Variants in SUCLG2 observed in about 807,000 individuals in gnomAD.
SUCLG2 encodes the protein succinate--CoA ligase [GDP-forming] subunit beta, mitochondrial.
A neutral mutation model predicts 47.9 loss-of-function variants in SUCLG2; 42 were observed. The ratio of observed to expected loss-of-function variants is 0.88; its 90% CI spans 0.69 to 1.14. SUCLG2 has a LOEUF of 1.14. Ranked by LOEUF, SUCLG2 falls within the 50% of genes most tolerant of loss-of-function variation. The pLI is 0.00. For missense variants in SUCLG2, 571 were observed against 525.9 expected, an observed-to-expected ratio of 1.09 and a Z score of -0.84; for synonymous variants, 195 against 197.3, an observed-to-expected ratio of 0.99 and a Z score of 0.10.
intron 1 of SUCLG2, among the ~76,000 whole-genome samples, chr3:67,640,546 C>T (rs186162896): frequency 2.4e-4 from 36 of 147,308 alleles, no homozygotes; most frequent in African/African-American, 8.5e-4. Context: ...TAAATCTACA[C>T]ATTTATATAG....
intron 1 of SUCLG2, among the ~76,000 whole-genome samples, chr3:67,612,942 A>G (rs1356737524): frequency 6.6e-6 from 1 of 152,224 alleles, no homozygotes; most frequent in Non-Finnish European, 1.5e-5. Flanking sequence ...CCAGTTATTT[A>G]TAAAGGATAT....
intron 2 of SUCLG2, among the ~76,000 whole-genome samples, chr3:67,554,589 T>C (rs1012528482): frequency 7.9e-5 from 12 of 152,178 alleles, no homozygotes; most frequent in Admixed American, 7.2e-4. Flanking sequence ...GCAATATTAG[T>C]TATAATTCGG....
chr3:67,584,076 C>T (rs901894791), intron 2 of SUCLG2, among the ~76,000 whole-genome samples: 1 of 152,218 alleles, frequency 6.6e-6, no homozygotes, highest in Non-Finnish European at 1.5e-5. Context: ...AATAAAAATA[C>T]ATTCCACATA....
At chr3:67,637,457 A>G (rs897369153) in intron 1 of SUCLG2, among the ~76,000 whole-genome samples, 1 of 152,188 alleles carries the variant, frequency 6.6e-6, no homozygotes, top group Non-Finnish European at 1.5e-5. Context: ...GGAAAATTGT[A>G]CTTGTGAGTC....
Position 67,400,867 on chromosome 3 carries a change from A to C in SUCLG2, c.1063-16T>G. On this transcript the variant is annotated splice_polypyrimidine_tract_variant and intron_variant, in intron 9 of 10. Coordinates refer to ENST00000307227, the MANE Select transcript of SUCLG2 (RefSeq NM_003848.4). ...TGGCTTCAACCTGAAATCAAAAATA[A>C]AAAGTTACCAATCAAAATGCTGATC... 6.2e-7 allele frequency: 1 copy of C among 1,612,444 alleles called. No homozygotes were observed. The highest frequency in any genetic ancestry group is 8.5e-7 in the Non-Finnish European group (1 of 1,179,696).
At chr3:67,402,585 T>A (rs1455693912) in intron 9 of SUCLG2, among the ~76,000 whole-genome samples, 1 of 152,282 alleles carries the variant, frequency 6.6e-6, no homozygotes, top group East Asian at 1.9e-4. Context: ...AGTTTCCAAA[T>A]AACTGTAGGA....
intron 1 of SUCLG2, among the ~76,000 whole-genome samples, chr3:67,638,931 G>T (rs1397543412): frequency 6.6e-6 from 1 of 152,138 alleles, no homozygotes; most frequent in Admixed American, 6.5e-5. Context: ...TAATGGGAAG[G>T]TTATAGGAAG....
chr3:67,442,281 A>C (rs894427324), intron 9 of SUCLG2, among the ~76,000 whole-genome samples: 2 of 152,138 alleles, frequency 1.3e-5, no homozygotes, highest in Non-Finnish European at 2.9e-5. Flanking sequence ...AAGTGCTGGG[A>C]TTACAGGCGT....
At chr3:67,613,075 G>A (rs544628942) in intron 1 of SUCLG2, among the ~76,000 whole-genome samples, 1 of 152,250 alleles carries the variant, frequency 6.6e-6, no homozygotes, top group Non-Finnish European at 1.5e-5. Flanking sequence ...TGGCAATCTG[G>A]ACACTCTCCA....
At chr3:67,568,613 C>A (rs1333551132) in intron 2 of SUCLG2, among the ~76,000 whole-genome samples, 5 of 152,156 alleles carry the variant, frequency 3.3e-5, no homozygotes, top group Non-Finnish European at 7.3e-5. Flanking sequence ...GTGAGCCGGG[C>A]GCGGTGGCTC....
At chr3:67,592,654 C>T (rs1708190596) in intron 2 of SUCLG2, among the ~76,000 whole-genome samples, 2 of 140,872 alleles carry the variant, frequency 1.4e-5, no homozygotes, top group African/African-American at 2.7e-5. Context: ...AAGACATCAA[C>T]TCAACAAGTG....
chr3:67,527,988 A>G (rs1706299995), intron 4 of SUCLG2, 144 bp downstream of exon 4: 1 of 661,596 alleles, frequency 1.5e-6, no homozygotes, highest in African/African-American at 1.8e-5. Context: ...ACTACTTACT[A>G]AACAGATTAG....
chr3:67,430,590 ATAAC>A (rs1703449942), intron 9 of SUCLG2, among the ~76,000 whole-genome samples: 1 of 152,214 alleles, frequency 6.6e-6, no homozygotes, highest in African/African-American at 2.4e-5. Flanking sequence ...AAGGCAAGAA[ATAAC>A]TAAGATCAGA....
chr3:67,393,052 G>A (rs890341377), intron 10 of SUCLG2, among the ~76,000 whole-genome samples: 11 of 152,206 alleles, frequency 7.2e-5, no homozygotes, highest in South Asian at 2.1e-4. Context: ...CAAGATGGCC[G>A]AAATGGAACA....
At chr3:67,399,313 G>C in intron 10 of SUCLG2, among the ~76,000 whole-genome samples, 1 of 152,268 alleles carries the variant, frequency 6.6e-6, no homozygotes. Flanking sequence ...CTGAGGAAAA[G>C]TGTTCGTGCA....
At chr3:67,384,659 A>C (rs1003877651) in intron 10 of SUCLG2, among the ~76,000 whole-genome samples, 3 of 152,226 alleles carry the variant, frequency 2.0e-5, no homozygotes, top group Admixed American at 2.0e-4. Context: ...CTGACTTGAT[A>C]TAGTGGTAAG....
chr3:67,588,602 A>C lies in SUCLG2; in HGVS notation c.226+20853T>G, dbSNP rs189531722. On this transcript the variant is annotated intron_variant, in intron 2 of 10. Transcript: ENST00000307227. ...AAGATGAAGACATTTGGCACCTAAG[A>C]ATAGTTATGAAATACCCAACACCAA... Among the ~76,000 whole-genome samples the C allele has an allele frequency of 1.6e-4, 24 of 152,340 alleles. No individual in the cohort carries two copies. The East Asian group carries it at 4.4e-3, about 28-fold the overall frequency.
At chr3:67,376,197 C>T (rs1198745848) in intron 10 of SUCLG2, 26 of 985,164 alleles carry the variant, frequency 2.6e-5, no homozygotes, top group African/African-American at 5.2e-5. Flanking sequence ...CCCTCTCAGA[C>T]GTCATCAGGG....
At chr3:67,636,458 T>C (rs1416059291) in intron 1 of SUCLG2, among the ~76,000 whole-genome samples, 3 of 151,492 alleles carry the variant, frequency 2.0e-5, no homozygotes, top group Non-Finnish European at 4.4e-5. Flanking sequence ...GTTCATTCCA[T>C]TCTCCTGCCT....
Sources: allele counts gnomAD v4.1 joint callset (sites outside exome capture counted in the v4.1 genomes callset), GRCh38; gene constraint gnomAD v4.1.1; transcripts MANE v1.5; gene names NCBI Gene and HGNC (gene_info 2026-07-23, HGNC 2026-07-21).